The following BDP1 variants were observed in gnomAD, a reference collection of about 807,000 sequenced individuals.
BDP1 encodes the protein transcription factor TFIIIB component B'' homolog.
A neutral mutation model predicts 266.6 loss-of-function variants in BDP1; 169 were observed. The ratio of observed to expected loss-of-function variants is 0.63; its 90% CI spans 0.56 to 0.72. BDP1 has a LOEUF of 0.72. Ranked by LOEUF, BDP1 falls within the 30% of genes least tolerant of loss-of-function variation. BDP1 has a pLI of 0.00. For missense variants in BDP1, 3,015 were observed against 3,053.8 expected (o/e 0.99, Z 0.30); for synonymous variants, 1,090 against 1,022.4 (o/e 1.07, Z -1.26).
chr5:71,526,685 G>GTTTT (rs35962090), intron 25 of BDP1, among the ~76,000 whole-genome samples: 144 of 118,932 alleles, frequency 1.2e-3, no homozygotes, highest in Non-Finnish European at 2.1e-3. Context: ...CTCTCTCTCT[G>GTTTT]TTTTTTTTTT....
intron 22 of BDP1, among the ~76,000 whole-genome samples, chr5:71,518,150 T>C (rs1305081514): frequency 6.6e-6 from 1 of 152,226 alleles, no homozygotes. Flanking sequence ...TTCTTTTCTT[T>C]AGTAAAAACG....
intron 7 of BDP1, among the ~76,000 whole-genome samples, chr5:71,483,406 C>T (rs759183883): frequency 2.9e-4 from 44 of 152,172 alleles, no homozygotes; most frequent in Non-Finnish European, 5.3e-4. Context: ...TCAGGATAAA[C>T]TTGGCCTGCT....
At position 71,560,007 on chromosome 5, in the gene BDP1, T is replaced by C. The variant is rs1276092674; in HGVS notation, c.7266T>C (p.Ile2422=). ...GGGAGTCTCACAAGGGACAAGATAT[T>C]TTTCTTACCTCAGGAAGCACACTGA... The part of the protein sequence containing the change: ...ETGESHKGQD[I]FLTSGSTLTT... Residue 2422 remains isoleucine, a synonymous_variant, in exon 37 of 39, where the codon ATT becomes ATC. Coordinates refer to ENST00000358731, the MANE Select transcript of BDP1 (RefSeq NM_018429.3). 2 of 1,613,846 alleles carry C rather than the reference T, an allele frequency of 1.2e-6. No individual in the cohort carries two copies. The highest frequency in any genetic ancestry group is 3.3e-5 in the Admixed American group (2 of 60,012).
At chr5:71,576,811 G>A in the BDP1 span, among the ~76,000 whole-genome samples, 2 of 152,136 alleles carry the variant, frequency 1.3e-5, no homozygotes, top group Admixed American at 6.5e-5. Flanking sequence ...GCTTTAGCCC[G>A]CCTCTTCCTC....
Position 71,564,774 on chromosome 5 carries a change from A to G in BDP1, c.7764A>G (p.Leu2588=), listed in dbSNP as rs1003462189. ...SATQVSCDQP[L]LKEGYKSAQK... ...TTTAGGTTTCTTGTGATCAGCCCTT[A>G]CTGAAAGAAGGATATAAAAGTGCCC... is the stretch of plus-strand genomic sequence containing the variant. The change falls in exon 39 of 39, where the codon TTA becomes TTG. Residue 2588 remains leucine (L), a synonymous_variant. Transcript: ENST00000358731. The G allele has an allele frequency of 6.2e-7, 1 of 1,607,190 alleles. No individual in the cohort carries two copies.
At chr5:71,460,492 G>A (rs931234239) in intron 2 of BDP1, among the ~76,000 whole-genome samples, 2 of 152,180 alleles carry the variant, frequency 1.3e-5, no homozygotes, top group Non-Finnish European at 2.9e-5. Context: ...TAAATTAAGG[G>A]AAGGCATTTT....
chr5:71,566,118 G>C lies in BDP1; in HGVS notation c.*1233G>C, dbSNP rs1744017580. 6.3e-6 allele frequency: 1 copy of C among 159,372 alleles called. No individual in the cohort carries two copies. The highest frequency in any genetic ancestry group is 1.6e-4 in the South Asian group (1 of 6,108). 9.9% of individuals were successfully genotyped at this position (159,372 alleles called of 1,614,324 possible). A position where few individuals can be genotyped will look rare whatever the true frequency, so the allele number is the denominator to read the frequency against. ...CCCCTCAGTTTAGTATATTGACTTT[G>C]TACTGTAAATTTTTCTGCTTTTCTT... On this transcript the variant is annotated 3_prime_UTR_variant, in exon 39 of 39. Transcript: ENST00000358731.
chr5:71,538,924 C>T (rs563763601), intron 26 of BDP1, 118 bp from the exon 27 acceptor site: 1 of 677,322 alleles, frequency 1.5e-6, no homozygotes, highest in South Asian at 2.0e-5. Context: ...TAAGACAAAC[C>T]AGTTTACACT....
Position 71,489,662 on chromosome 5 carries a change from C to CT in BDP1, c.1473dup (p.Lys492Ter). ...AATGCCACTGTTCAGGCGGGTCCTTCTAAAGGAGAAAAACACAAGAGTAAG... is the reference window on the plus strand; with the variant it reads ...AATGCCACTGTTCAGGCGGGTCCTTCTTAAAGGAGAAAAACACAAGAGTAAG... On this transcript the variant is annotated frameshift_variant, in exon 10 of 39. Coordinates refer to ENST00000358731, the MANE Select transcript of BDP1 (RefSeq NM_018429.3). LOFTEE classifies it high-confidence loss of function. The CT allele has an allele frequency of 6.2e-7, 1 of 1,605,360 alleles. No individual in the cohort carries two copies. The highest frequency in any genetic ancestry group is 1.7e-4 in the Middle Eastern group (1 of 6,006).
chr5:71,523,593 C>T (rs1209674452), intron 24 of BDP1, among the ~76,000 whole-genome samples: 1 of 152,132 alleles, frequency 6.6e-6, no homozygotes, highest in South Asian at 2.1e-4. Flanking sequence ...GGAGTAGAGG[C>T]GTGAGCTACT....
chr5:71,485,332 T>C (rs1029230471), intron 8 of BDP1, among the ~76,000 whole-genome samples: 3 of 152,140 alleles, frequency 2.0e-5, no homozygotes, highest in African/African-American at 7.2e-5. Flanking sequence ...TGGAAATTTT[T>C]TTTTTAAATT....
In BDP1 at chr5:71,486,486, GA is replaced by G; in HGVS notation, c.1076del (p.Lys359SerfsTer33). ...TTCTTTTCCTTTTCTTTAAACAGAG[GA>G]AAAGCGCCCTTTTGACTTCGATTTT... ...NGWRIDKAFQ[E>X]KRPFDFDFFA... On this transcript the variant is annotated frameshift_variant, in exon 9 of 39. Coordinates refer to ENST00000358731, the MANE Select transcript of BDP1 (RefSeq NM_018429.3). LOFTEE classifies it high-confidence loss of function. 1 of 1,539,162 alleles carries G rather than the reference GA, an allele frequency of 6.5e-7. No individual in the cohort carries two copies. Among genetic ancestry groups the G allele is most frequent in the Non-Finnish European group, 8.6e-7 (1 of 1,156,546 alleles).
intron 4 of BDP1, 45 bp downstream of exon 4, chr5:71,464,162 A>G: frequency 8.4e-7 from 1 of 1,193,352 alleles, no homozygotes; most frequent in Non-Finnish European, 1.2e-6. Flanking sequence ...ACATTTTTTA[A>G]GAAATGAGAT....
intron 12 of BDP1, among the ~76,000 whole-genome samples, chr5:71,496,989 A>G (rs745856031): frequency 2.0e-5 from 3 of 152,236 alleles, no homozygotes; most frequent in Non-Finnish European, 2.9e-5. Context: ...CCTTCAATAT[A>G]TACCAAAATC....
intron 25 of BDP1, among the ~76,000 whole-genome samples, chr5:71,530,519 C>T (rs1483260453): frequency 6.6e-6 from 1 of 151,978 alleles, no homozygotes; most frequent in East Asian, 1.9e-4. Flanking sequence ...GCTGGGATTA[C>T]AGGCATGAGC....
rs372674983 is a variant in BDP1, at chr5:71,481,257, T to A, written c.1015-2585T>A. ...GGATTATGTTTTTTCTTTTTTTTTT[T>A]AAAGCGCAGTGGGCCAGGCGCGGTG... On this transcript the variant is annotated intron_variant, in intron 7 of 38. Transcript: ENST00000358731. Among the ~76,000 whole-genome samples, 411 of 151,026 alleles carry A rather than the reference T, an allele frequency of 2.7e-3. 3 individuals are homozygous for A. The highest frequency in any genetic ancestry group is 9.5e-3 in the African/African-American group (393 of 41,248).
chr5:71,542,842 C>G (rs1356607367), intron 30 of BDP1, among the ~76,000 whole-genome samples: 1 of 151,670 alleles, frequency 6.6e-6, no homozygotes, highest in Non-Finnish European at 1.5e-5. Flanking sequence ...ATACTGTATT[C>G]TTATGATAAA....
In BDP1 at chr5:71,539,542, A is replaced by C. The variant is rs531022512; in HGVS notation, c.5930-15A>C. On this transcript the variant is annotated splice_polypyrimidine_tract_variant and intron_variant, in intron 27 of 38. Transcript: ENST00000358731. ...ATTCATTCTTTTTTTTAATGTTGAT[A>C]TATTTCCTCACAAGGTACCAATGAT... 4 of 1,583,658 alleles carry C rather than the reference A, an allele frequency of 2.5e-6. No individual in the cohort carries two copies. The African/African-American group carries it at 4.1e-5, about 16-fold the overall frequency.
At chr5:71,568,480 T>C (rs1011240744), downstream of BDP1, among the ~76,000 whole-genome samples, 2 of 152,222 alleles carry the variant, frequency 1.3e-5, no homozygotes, top group African/African-American at 4.8e-5. Flanking sequence ...CCACTGCCTT[T>C]GTTTAAGAGA....
Sources: allele counts gnomAD v4.1 joint callset (sites outside exome capture counted in the v4.1 genomes callset), GRCh38; gene constraint gnomAD v4.1.1; transcripts MANE v1.5; gene names NCBI Gene and HGNC (gene_info 2026-07-23, HGNC 2026-07-21).